Variants in SLC43A2 observed in about 807,000 individuals in gnomAD.
SLC43A2 encodes solute carrier family 43 member 2, also known as large neutral amino acids transporter small subunit 4.
In SLC43A2, 38 loss-of-function variants were observed where a neutral mutation model predicts 63.2. The observed-to-expected ratio is 0.60, with a 90% confidence interval of 0.46 to 0.79. The LOEUF (loss-of-function observed/expected upper bound fraction) is 0.79, where lower values mean the gene tolerates loss of function less well. SLC43A2 is among the 30% of genes least tolerant of loss of function. SLC43A2 has a pLI of 0.00. For synonymous variants in SLC43A2, 322 were observed against 331.0 expected, an observed-to-expected ratio of 0.97 and a Z score of 0.30; for missense variants, 644 against 756.2, an observed-to-expected ratio of 0.85 and a Z score of 1.74.
chr17:1,605,261 C>T lies in SLC43A2; in HGVS notation c.501+7934G>A. ...CTCTCTTTCAGCCCCCTGGCTGCAG[C>T]ATAAACAGGCCGGACTGTGTGACCT... On this transcript the variant is annotated intron_variant, in intron 5 of 13. Transcript: ENST00000301335. This position sits in a 1 kb window ranked among gnomAD's most constrained non-coding sequence, Gnocchi z 4.9. 2 of 1,073,748 alleles carry T rather than the reference C, an allele frequency of 1.9e-6. No homozygotes were observed. The highest frequency in any genetic ancestry group is 2.3e-6 in the Non-Finnish European group (2 of 879,138). 66.5% of individuals were successfully genotyped at this position (1,073,748 alleles called of 1,614,324 possible). A position where few individuals can be genotyped will look rare whatever the true frequency, so the allele number is the denominator to read the frequency against.
rs1353085374 is a variant in SLC43A2, at chr17:1,591,364, A to G, written c.836T>C (p.Met279Thr). The stretch of plus-strand genomic sequence containing the variant: ...CGCCACCTGCTCCTTGGCACTCCTC[A>G]TGGAGCTGCCCACACTCAGGCGCCG... ...VGRRLSVGSS[M>T]RSAKEQVALQ... The change falls in exon 8 of 14, where the codon ATG (methionine) becomes ACG (threonine). Residue 279 changes from methionine to threonine, a missense_variant. Physicochemically the swap from Met to Thr is moderately conservative, Grantham distance 81. Around this residue, in one of 3 missense-constraint regions of SLC43A2, gnomAD observed 528 missense variants for 623.6 expected, o/e 0.85. Coordinates refer to ENST00000301335, the MANE Select transcript of SLC43A2 (RefSeq NM_152346.3). The G allele has an allele frequency of 6.2e-7, 1 of 1,611,862 alleles. No homozygotes were observed. Among genetic ancestry groups the G allele is most frequent in the Non-Finnish European group, 8.5e-7 (1 of 1,179,966 alleles).
At chr17:1,627,965 C>T (rs2151086963) in intron 1 of SLC43A2, 45 bp from the exon 2 acceptor site, 2 of 1,317,894 alleles carry the variant, frequency 1.5e-6, no homozygotes, top group East Asian at 3.2e-5. Flanking sequence ...TGCCCAGCCC[C>T]TGCGGCCGCC....
intron 5 of SLC43A2, among the ~76,000 whole-genome samples, chr17:1,600,152 A>ATATATATATATATATATTT (rs1216616243): frequency 2.5e-4 from 15 of 60,280 alleles, no homozygotes; most frequent in African/African-American, 8.0e-4. Context: ...ATATATATAT[A>ATATATATATATATATATTT]TTTTTTTTTT....
intron 11 of SLC43A2, among the ~76,000 whole-genome samples, chr17:1,581,094 C>T (rs1156811691): frequency 6.6e-6 from 1 of 152,000 alleles, no homozygotes; most frequent in Non-Finnish European, 1.5e-5. Context: ...GTCTTCTGTA[C>T]ACAGCCCTGC....
chr17:1,627,655 C>CCCCCCCACCCCAAA, intron 2 of SLC43A2, 60 bp downstream of exon 2: 3 of 665,286 alleles, frequency 4.5e-6, no homozygotes, highest in Non-Finnish European at 4.5e-6. Flanking sequence ...CGCCCCCATC[C>CCCCCCCACCCCAAA]CGCCCCCTCC....
intron 5 of SLC43A2, among the ~76,000 whole-genome samples, chr17:1,598,866 C>T (rs1301715709): frequency 6.6e-6 from 1 of 152,234 alleles, no homozygotes; most frequent in East Asian, 1.9e-4. Flanking sequence ...CTCCCAGCTG[C>T]TCCCTTTGAT....
At chr17:1,626,237 A>G (rs1908654947) in intron 2 of SLC43A2, among the ~76,000 whole-genome samples, 1 of 150,276 alleles carries the variant, frequency 6.7e-6, no homozygotes, top group Non-Finnish European at 1.5e-5. Flanking sequence ...GCAAGCAGGA[A>G]GGGTCACGAT....
chr17:1,588,939 C>T (rs1368514021), intron 9 of SLC43A2, among the ~76,000 whole-genome samples: 1 of 152,206 alleles, frequency 6.6e-6, no homozygotes, highest in Non-Finnish European at 1.5e-5. Context: ...TGAGCCGTTC[C>T]TCAGCAGCAC....
chr17:1,605,199 C>T lies in SLC43A2; in HGVS notation c.501+7996G>A. 1 of 1,138,992 alleles carries T rather than the reference C, an allele frequency of 8.8e-7. No individual in the cohort carries two copies. Among genetic ancestry groups the T allele is most frequent in the Non-Finnish European group, 1.1e-6 (1 of 921,326 alleles). The allele number at this position is 1,138,992 out of a possible 1,614,324, so 70.6% of individuals were successfully genotyped here. On this transcript the variant is annotated intron_variant, in intron 5 of 13. Transcript: ENST00000301335. This position sits in a 1 kb window ranked among gnomAD's most constrained non-coding sequence, Gnocchi z 4.9. ...GCCCGGGCTGTTCACTCACTGCCTCCACGCAGCCTCAGTCACACAGGGAAG... is the reference window on the plus strand; with the variant it reads ...GCCCGGGCTGTTCACTCACTGCCTCTACGCAGCCTCAGTCACACAGGGAAG...
chr17:1,590,371 C>A (rs113225675), intron 9 of SLC43A2, among the ~76,000 whole-genome samples: 1 of 152,032 alleles, frequency 6.6e-6, no homozygotes, highest in Admixed American at 6.6e-5. Flanking sequence ...GTTGCCCCAG[C>A]GTCTCCAGCC....
At chr17:1,596,968 G>A (rs1438872578) in intron 5 of SLC43A2, among the ~76,000 whole-genome samples, 3 of 152,172 alleles carry the variant, frequency 2.0e-5, no homozygotes, top group Admixed American at 6.5e-5. Flanking sequence ...TGTCATCCCA[G>A]CACTTTGGGA....
At chr17:1,581,149 T>TG (rs933390871) in intron 11 of SLC43A2, among the ~76,000 whole-genome samples, 4 of 150,372 alleles carry the variant, frequency 2.7e-5, no homozygotes, top group Non-Finnish European at 4.4e-5. Flanking sequence ...ATGTGGGTGG[T>TG]GGGGGGGCAG....
chr17:1,577,701 TC>T lies in SLC43A2; in HGVS notation c.1424+548del, dbSNP rs1034385116. ...CCAGAGAAGAAGGAACCACTGTGGT[TC>T]CTTTTATGTTTCTGGGGCTTCTTGG... On this transcript the variant is annotated intron_variant, in intron 12 of 13. Transcript: ENST00000301335. The surrounding 1 kb of genome is among the most constrained non-coding windows in gnomAD (Gnocchi z 4.9). 2.0e-5 allele frequency among the ~76,000 whole-genome samples: 3 copies of T among 152,198 alleles called. No individual in the cohort carries two copies. The highest frequency in any genetic ancestry group is 2.9e-5 in the Non-Finnish European group (2 of 68,032).
chr17:1,604,691 T>C, intron 5 of SLC43A2: 1 of 1,527,656 alleles, frequency 6.5e-7, no homozygotes, highest in Non-Finnish European at 8.8e-7. Context: ...AGAGATGGCT[T>C]ACATTCCTTC....
At chr17:1,604,874 C>T (rs1385070379) in intron 5 of SLC43A2, 72 of 1,535,490 alleles carry the variant, frequency 4.7e-5, no homozygotes, top group Admixed American at 9.8e-5. Context: ...TCGCTCACTC[C>T]GTCCCCAGCT....
chr17:1,578,581 G>T lies in SLC43A2; in HGVS notation c.1351-258C>A. ...CTTGCTTTGTCGCCCAGGCTGGAGT[G>T]CAGTGGCGTGATCTTGGCTCACTGC... On this transcript the variant is annotated intron_variant, in intron 11 of 13. Transcript: ENST00000301335. The surrounding 1 kb of genome is among the most constrained non-coding windows in gnomAD (Gnocchi z 6.5). 4.2e-6 allele frequency: 2 copies of T among 477,588 alleles called. No homozygotes were observed. The highest frequency in any genetic ancestry group is 7.6e-6 in the Non-Finnish European group (2 of 264,216). The allele number at this position is 477,588 out of a possible 1,614,324, so 29.6% of individuals were successfully genotyped here.
rs1001570131 is a variant in SLC43A2 at position 1,573,533 on chromosome 17, T to G, written c.*2071A>C. On this transcript the variant is annotated 3_prime_UTR_variant, in exon 14 of 14. Coordinates refer to ENST00000301335, the MANE Select transcript of SLC43A2 (RefSeq NM_152346.3). Reference sequence around the variant, plus strand: ...ACTTTTAACTCAGCCTTTCCCAAACTTGACTATAATACTTTCTTGAAAATC... The same window carrying G: ...ACTTTTAACTCAGCCTTTCCCAAACGTGACTATAATACTTTCTTGAAAATC... 1 of 152,270 alleles carries G rather than the reference T, an allele frequency of 6.6e-6. No individual in the cohort carries two copies. Among genetic ancestry groups the G allele is most frequent in the African/African-American group, 2.4e-5 (1 of 41,470 alleles). The allele number at this position is 152,270 out of a possible 1,614,324, so 9.4% of individuals were successfully genotyped here.
chr17:1,587,124 C>G (rs1339593570), intron 9 of SLC43A2, among the ~76,000 whole-genome samples: 2 of 152,272 alleles, frequency 1.3e-5, no homozygotes. Flanking sequence ...CTAAGCGTGA[C>G]TCGGGGCGCT....
intron 11 of SLC43A2, among the ~76,000 whole-genome samples, chr17:1,581,806 GT>G (rs926906202): frequency 0.012 from 1,627 of 140,740 alleles, 3 homozygotes; most frequent in Middle Eastern, 0.026. Context: ...AAGAAATTCA[GT>G]TTTTTTTTTT....
Sources: gnomAD v4.1 joint callset for allele counts (sites outside exome capture counted in the v4.1 genomes callset) on GRCh38, gnomAD v4.1.1 for gene constraint, gnomAD v4.1.1 regional missense constraint, Gnocchi (gnomAD v3.1) non-coding constraint, MANE v1.5 for transcripts, NCBI Gene and HGNC (gene_info 2026-07-23, HGNC 2026-07-21) for gene names.